LHPP: variants seen among roughly 807,000 people sequenced by gnomAD.
The protein encoded by LHPP is hLHPP.
A neutral mutation model predicts 30.3 loss-of-function variants in LHPP; 24 were observed. The observed-to-expected ratio is 0.79, with a 90% CI of 0.57 to 1.11. LHPP has a LOEUF of 1.11. LHPP is among the 50% of genes most tolerant of loss of function. LHPP has a pLI of 0.00. For synonymous variants in LHPP, 150 were observed against 157.1 expected (o/e 0.95, Z 0.34); for missense variants, 356 against 367.2 (o/e 0.97, Z 0.25).
At chr10:124,522,443 A>C (rs1434039300) in intron 6 of LHPP, among the ~76,000 whole-genome samples, 1 of 152,156 alleles carries the variant, frequency 6.6e-6, no homozygotes, top group African/African-American at 2.4e-5. Context: ...TCATGATGCC[A>C]TGAGTCCTGC....
intron 5 of LHPP, among the ~76,000 whole-genome samples, chr10:124,504,092 T>C (rs2133885708): frequency 6.6e-6 from 1 of 152,182 alleles, no homozygotes; most frequent in South Asian, 2.1e-4. Context: ...CTCAGGAGGC[T>C]GAGGTGGGAG....
chr10:124,494,295 C>G (rs7478422), intron 3 of LHPP, among the ~76,000 whole-genome samples: 75,592 of 152,010 alleles, frequency 0.5, 19,486 homozygotes, highest in African/African-American at 0.56. Context: ...CACCCAACCT[C>G]TAGCTCCTCC....
chr10:124,529,124 C>T (rs992487251), intron 6 of LHPP, among the ~76,000 whole-genome samples: 25 of 146,264 alleles, frequency 1.7e-4, no homozygotes, highest in Admixed American at 2.8e-4. Flanking sequence ...CTCCGCCTCC[C>T]GGGTTCATGC....
chr10:124,487,597 C>G (rs915312634), intron 2 of LHPP, among the ~76,000 whole-genome samples: 10 of 152,008 alleles, frequency 6.6e-5, no homozygotes, highest in Admixed American at 3.3e-4. Context: ...CGGCCGCCAC[C>G]GTGCCGGGCT....
intron 5 of LHPP, among the ~76,000 whole-genome samples, chr10:124,515,001 G>A (rs557436369): frequency 7.2e-4 from 110 of 151,772 alleles, no homozygotes; most frequent in Non-Finnish European, 4.4e-4. Context: ...AGGGTCTTGC[G>A]GTGTTGCCTA....
chr10:124,463,803 T>C (rs888498727), intron 1 of LHPP, among the ~76,000 whole-genome samples: 1 of 146,052 alleles, frequency 6.8e-6, no homozygotes, highest in African/African-American at 2.6e-5. Flanking sequence ...CCACCACACC[T>C]GGCCTAATTT....
At chr10:124,595,296 GGGA>G (rs1262573782) in intron 6 of LHPP, among the ~76,000 whole-genome samples, 5 of 152,218 alleles carry the variant, frequency 3.3e-5, no homozygotes, top group Admixed American at 2.6e-4. Flanking sequence ...GGCTGCCAGG[GGGA>G]GGAGGAGGGA....
chr10:124,570,441 G>A (rs74903548), intron 6 of LHPP, among the ~76,000 whole-genome samples: 1 of 152,230 alleles, frequency 6.6e-6, no homozygotes, highest in Non-Finnish European at 1.5e-5. Flanking sequence ...GTGACCCTAT[G>A]AGCAGCCAGG....
At chr10:124,532,561 G>A (rs540018662) in intron 6 of LHPP, among the ~76,000 whole-genome samples, 4 of 152,280 alleles carry the variant, frequency 2.6e-5, no homozygotes, top group African/African-American at 4.8e-5. Flanking sequence ...TCTGCTTATC[G>A]CTCTATCCCA....
rs1284121086 is a variant in LHPP, at chr10:124,523,957, A to G, written c.716+6686A>G. On this transcript the variant is annotated intron_variant, in intron 6 of 6. Coordinates refer to ENST00000368842, the MANE Select transcript of LHPP (RefSeq NM_022126.4). This position sits in a 1 kb window ranked among gnomAD's most constrained non-coding sequence, Gnocchi z 4.2. ...GCTGTGGCTTCTGGTGTAGGTGGGC[A>G]CTTCTGGGCTCAGAGGGGTCATTTA... Among the ~76,000 whole-genome samples, 2 of 152,198 alleles carry G rather than the reference A, an allele frequency of 1.3e-5. No homozygotes were observed.
intron 6 of LHPP, among the ~76,000 whole-genome samples, chr10:124,558,845 C>G (rs865849179): frequency 6.6e-6 from 1 of 152,248 alleles, no homozygotes; most frequent in African/African-American, 2.4e-5. Flanking sequence ...CATTCCCATG[C>G]GTAGCGAAAC....
chr10:124,481,132 T>C (rs1953112695), intron 1 of LHPP, among the ~76,000 whole-genome samples: 1 of 152,038 alleles, frequency 6.6e-6, no homozygotes, highest in Admixed American at 6.6e-5. Context: ...ATCCCTGAAC[T>C]CCTGGAGCTC....
chr10:124,530,087 C>T (rs942156352), intron 6 of LHPP, among the ~76,000 whole-genome samples: 4 of 152,096 alleles, frequency 2.6e-5, no homozygotes, highest in Non-Finnish European at 5.9e-5. Context: ...CACCCCAATG[C>T]GGGGAGGGAG....
At chr10:124,555,829 G>A (rs1948289077) in intron 6 of LHPP, among the ~76,000 whole-genome samples, 1 of 151,892 alleles carries the variant, frequency 6.6e-6, no homozygotes, top group Admixed American at 6.6e-5. Context: ...TCTTGTTCTG[G>A]GCTCAGTTCT....
chr10:124,518,912 C>G lies in LHPP; in HGVS notation c.716+1641C>G, dbSNP rs200531851. Among the ~76,000 whole-genome samples, 4 of 152,188 alleles carry G rather than the reference C, an allele frequency of 2.6e-5. No homozygotes were observed. In the East Asian group the frequency reaches 7.7e-4, roughly 29 times the overall value. On this transcript the variant is annotated intron_variant, in intron 6 of 6. Transcript: ENST00000368842. ...AGGTGGGCATCCCCCATGACACTGT[C>G]TCCCGGAGAGAGAGAAACTCTGTTT...
At chr10:124,580,486 A>T (rs1488751636) in intron 6 of LHPP, among the ~76,000 whole-genome samples, 1 of 152,208 alleles carries the variant, frequency 6.6e-6, no homozygotes, top group African/African-American at 2.4e-5. Flanking sequence ...TGTGGATAAC[A>T]GTTGTTCCAT....
chr10:124,478,260 C>T lies in LHPP; in HGVS notation c.126-5879C>T, dbSNP rs1564773893. On this transcript the variant is annotated intron_variant, in intron 1 of 6. Coordinates refer to ENST00000368842, the MANE Select transcript of LHPP (RefSeq NM_022126.4). This position sits in a 1 kb window ranked among gnomAD's most constrained non-coding sequence, Gnocchi z 4.7. ...CTCCAGGAGGAAGAGGTGTATGAAC[C>T]CTGCTTTGTAGGATGATCAGGGTCA... Among the ~76,000 whole-genome samples, 1 of 152,290 alleles carries T rather than the reference C, an allele frequency of 6.6e-6. No individual in the cohort carries two copies. The highest frequency in any genetic ancestry group is 1.9e-4 in the East Asian group (1 of 5,170).
chr10:124,502,740 C>G (rs1347149134), intron 5 of LHPP, among the ~76,000 whole-genome samples: 1 of 124,298 alleles, frequency 8.0e-6, no homozygotes, highest in Non-Finnish European at 1.6e-5. Flanking sequence ...ATAGCATGAT[C>G]TCAGCTCACT....
chr10:124,544,857 C>T (rs1297270188), intron 6 of LHPP, among the ~76,000 whole-genome samples: 3 of 151,650 alleles, frequency 2.0e-5, no homozygotes, highest in East Asian at 1.9e-4. Flanking sequence ...GACACCATCA[C>T]GTGGAAGGCG....
Sources: gnomAD v4.1 joint callset for allele counts (sites outside exome capture counted in the v4.1 genomes callset) on GRCh38, gnomAD v4.1.1 for gene constraint, Gnocchi (gnomAD v3.1) non-coding constraint, MANE v1.5 for transcripts, NCBI Gene and HGNC (gene_info 2026-07-23, HGNC 2026-07-21) for gene names.